TBC1D22A: variants seen among roughly 807,000 people sequenced by gnomAD.
TBC1D22A encodes the protein putative GTPase activator.
TBC1D22A carries 38 observed loss-of-function variants against 60.2 expected under a neutral mutation model. The ratio of observed to expected loss-of-function variants is 0.63; its 90% CI spans 0.49 to 0.83. TBC1D22A has a LOEUF of 0.83. Ranked by LOEUF, TBC1D22A falls within the 40% of genes least tolerant of loss-of-function variation. The pLI is 0.00. For missense variants in TBC1D22A, 628 were observed against 701.0 expected, an observed-to-expected ratio of 0.90 and a Z score of 1.18; for synonymous variants, 302 against 281.7, an observed-to-expected ratio of 1.07 and a Z score of -0.72.
At chr22:47,164,216 C>T (rs1489749398) in intron 12 of TBC1D22A, among the ~76,000 whole-genome samples, 2 of 152,226 alleles carry the variant, frequency 1.3e-5, no homozygotes, top group African/African-American at 2.4e-5. Flanking sequence ...AGGCCGTTCT[C>T]ATTTGTACAG....
chr22:46,974,187 G>C, intron 8 of TBC1D22A, 103 bp from the exon 9 acceptor site: 1 of 883,620 alleles, frequency 1.1e-6, no homozygotes. Flanking sequence ...TGGGTGGAGG[G>C]AGCTGGATGC....
intron 7 of TBC1D22A, among the ~76,000 whole-genome samples, chr22:46,903,355 C>G (rs2069150943): frequency 6.6e-6 from 1 of 152,200 alleles, no homozygotes; most frequent in African/African-American, 2.4e-5. Context: ...AGCTGTGGAC[C>G]AGGCATGGAG....
intron 10 of TBC1D22A, 80 bp from the exon 11 acceptor site, chr22:47,036,990 CT>C: frequency 6.3e-7 from 1 of 1,586,802 alleles, no homozygotes; most frequent in Non-Finnish European, 8.6e-7. Flanking sequence ...GGCGCAGGCC[CT>C]TGGGGGACAA....
Position 47,009,475 on chromosome 22 carries a change from A to G in TBC1D22A, c.1201+11766A>G, listed in dbSNP as rs1296623424. 2.2e-5 allele frequency among the ~76,000 whole-genome samples: 3 copies of G among 138,646 alleles called. No homozygotes were observed. The highest frequency in any genetic ancestry group is 7.7e-5 in the African/African-American group (3 of 38,766). The allele number at this position is 138,646 out of a possible 152,430, so 91.0% of individuals were successfully genotyped here. A position where few individuals can be genotyped will look rare whatever the true frequency, so the allele number is the denominator to read the frequency against. On this transcript the variant is annotated intron_variant, in intron 10 of 12. Coordinates refer to ENST00000337137, the MANE Select transcript of TBC1D22A (RefSeq NM_014346.5). The surrounding 1 kb of genome is among the most constrained non-coding windows in gnomAD (Gnocchi z 5.8). ...CATTTCTGTCATCACCATCGTCATCACTATCACCATCATTTCATCACCATC... is the reference window on the plus strand; with the variant it reads ...CATTTCTGTCATCACCATCGTCATCGCTATCACCATCATTTCATCACCATC...
chr22:46,854,252 C>T lies in TBC1D22A; in HGVS notation c.638-24401C>T, dbSNP rs114947087. ...CATGGACGTGGTTGAGAGTCAGGCC[C>T]CTGAGTTTCCTTTCCTCATTTGTAA... On this transcript the variant is annotated intron_variant, in intron 4 of 12. Transcript: ENST00000337137. 2.8e-3 allele frequency among the ~76,000 whole-genome samples: 423 copies of T among 152,252 alleles called. 5 individuals carry two copies. The highest frequency in any genetic ancestry group is 9.9e-3 in the African/African-American group (413 of 41,538).
intron 12 of TBC1D22A, among the ~76,000 whole-genome samples, chr22:47,128,934 C>T (rs971949968): frequency 3.3e-5 from 5 of 152,192 alleles, no homozygotes; most frequent in African/African-American, 9.7e-5. Flanking sequence ...TGAAGAGAAG[C>T]GTTACTTTAT....
intron 4 of TBC1D22A, among the ~76,000 whole-genome samples, chr22:46,823,177 G>T (rs770828136): frequency 3.3e-5 from 5 of 152,078 alleles, no homozygotes; most frequent in Non-Finnish European, 5.9e-5. Flanking sequence ...AAGGTTGAGG[G>T]TCCATGACAG....
At chr22:46,997,747 G>C (rs8140625) in intron 10 of TBC1D22A, 38 bp downstream of exon 10, 4 of 1,601,442 alleles carry the variant, frequency 2.5e-6, no homozygotes, top group South Asian at 1.1e-5. Flanking sequence ...TCTGTGGGCG[G>C]GGGGAGGTGG....
At chr22:46,919,675 C>T (rs2070618301) in intron 8 of TBC1D22A, among the ~76,000 whole-genome samples, 1 of 151,436 alleles carries the variant, frequency 6.6e-6, no homozygotes, top group Admixed American at 6.6e-5. Flanking sequence ...CGTATGTTTC[C>T]TCTTCCTGCA....
chr22:46,941,772 G>A (rs548319332), intron 8 of TBC1D22A, among the ~76,000 whole-genome samples: 31 of 133,280 alleles, frequency 2.3e-4, no homozygotes, highest in Admixed American at 6.2e-4. Flanking sequence ...TACGGAATAT[G>A]TATACGGAAT....
At chr22:46,904,515 C>T (rs1339043139) in intron 7 of TBC1D22A, among the ~76,000 whole-genome samples, 2 of 151,338 alleles carry the variant, frequency 1.3e-5, no homozygotes, top group Non-Finnish European at 2.9e-5. Flanking sequence ...GTTGTCCAGG[C>T]TGGAGTGCAG....
intron 8 of TBC1D22A, among the ~76,000 whole-genome samples, chr22:46,917,038 C>A (rs1183270407): frequency 6.6e-6 from 1 of 152,186 alleles, no homozygotes; most frequent in Non-Finnish European, 1.5e-5. Context: ...AGCGTGCGTG[C>A]TTGTTCTTGC....
chr22:47,123,045 T>C (rs2147762396), intron 12 of TBC1D22A, among the ~76,000 whole-genome samples: 1 of 152,324 alleles, frequency 6.6e-6, no homozygotes, highest in South Asian at 2.1e-4. Flanking sequence ...AGTTTTTTCT[T>C]ACCTGAAAGA....
intron 12 of TBC1D22A, among the ~76,000 whole-genome samples, chr22:47,162,159 A>T (rs1232510314): frequency 1.3e-5 from 2 of 150,576 alleles, no homozygotes; most frequent in Non-Finnish European, 3.0e-5. Context: ...TTATGTGTAT[A>T]TAAATATATG....
intron 1 of TBC1D22A, among the ~76,000 whole-genome samples, chr22:46,773,502 T>A (rs986123174): frequency 1.3e-5 from 2 of 152,144 alleles, no homozygotes; most frequent in Non-Finnish European, 2.9e-5. Context: ...TCTTGCCCTG[T>A]TACCCAGGCT....
chr22:47,062,694 G>A (rs2147460477), intron 11 of TBC1D22A, among the ~76,000 whole-genome samples: 2 of 152,270 alleles, frequency 1.3e-5, no homozygotes, highest in South Asian at 4.1e-4. Flanking sequence ...GTGGGTGAGG[G>A]GAGAAGCCTG....
chr22:46,776,199 G>C (rs913313263), intron 1 of TBC1D22A, among the ~76,000 whole-genome samples: 1 of 152,222 alleles, frequency 6.6e-6, no homozygotes, highest in Non-Finnish European at 1.5e-5. Context: ...GGCGTGTTCT[G>C]TAGTCAGGGG....
chr22:46,885,341 T>C (rs74734327), intron 5 of TBC1D22A, among the ~76,000 whole-genome samples: 3,757 of 152,248 alleles, frequency 0.025, 164 homozygotes, highest in African/African-American at 0.086. Flanking sequence ...TTCGTGTCCA[T>C]GTGACTCTGG....
chr22:47,005,227 A>G (rs1263181686), intron 10 of TBC1D22A, among the ~76,000 whole-genome samples: 1 of 151,502 alleles, frequency 6.6e-6, no homozygotes, highest in Non-Finnish European at 1.5e-5. Context: ...ATATACACAC[A>G]TGCCTATACA....
Sources: gnomAD v4.1 joint callset for allele counts (sites outside exome capture counted in the v4.1 genomes callset) on GRCh38, gnomAD v4.1.1 for gene constraint, Gnocchi (gnomAD v3.1) non-coding constraint, MANE v1.5 for transcripts, NCBI Gene and HGNC (gene_info 2026-07-23, HGNC 2026-07-21) for gene names.